SLC19A3: variants seen among roughly 807,000 people sequenced by gnomAD.
SLC19A3 encodes thiamine transporter 2.
A neutral mutation model predicts 40.2 loss-of-function variants in SLC19A3; 31 were observed. The ratio of observed to expected loss-of-function variants is 0.77; its 90% CI spans 0.58 to 1.04. SLC19A3 has a LOEUF of 1.04. Among genes scored for constraint, SLC19A3 ranks in the 50% least tolerant of loss-of-function variants. SLC19A3 has a pLI of 0.00. For missense variants in SLC19A3, 592 were observed against 596.7 expected, an observed-to-expected ratio of 0.99 and a Z score of 0.08; for synonymous variants, 212 against 227.5, an observed-to-expected ratio of 0.93 and a Z score of 0.61.
intron 3 of SLC19A3, among the ~76,000 whole-genome samples, chr2:227,697,047 A>C (rs1278658937): frequency 6.6e-6 from 1 of 152,214 alleles, no homozygotes; most frequent in Admixed American, 6.5e-5. Flanking sequence ...CCTGGGTGAC[A>C]GAGTAAGACT....
chr2:227,702,688 G>A (rs927606173), intron 1 of SLC19A3: 1 of 246,838 alleles, frequency 4.1e-6, no homozygotes, highest in East Asian at 1.1e-4. Context: ...GATCTCATTT[G>A]TCACTGCACA....
intron 3 of SLC19A3, 55 bp from the exon 4 acceptor site, chr2:227,696,136 A>G (rs1338614806): frequency 8.4e-6 from 13 of 1,544,604 alleles, no homozygotes; most frequent in Admixed American, 8.4e-5. Flanking sequence ...GCAGGAAAAT[A>G]TCAACACCCT....
chr2:227,711,961 A>T (rs1696153805), intron 1 of SLC19A3, among the ~76,000 whole-genome samples: 1 of 149,542 alleles, frequency 6.7e-6, no homozygotes, highest in Non-Finnish European at 1.5e-5. Flanking sequence ...GAGGTAGAAG[A>T]ATCGCTTGAA....
At chr2:227,699,669 C>T (rs961727660) in intron 2 of SLC19A3, 105 bp from the exon 3 acceptor site, 7 of 946,134 alleles carry the variant, frequency 7.4e-6, no homozygotes, top group African/African-American at 1.6e-5. Flanking sequence ...ATTCGCATTA[C>T]GGAGAAACAT....
chr2:227,687,708 G>T, intron 5 of SLC19A3, 135 bp from the exon 6 acceptor site: 1 of 794,644 alleles, frequency 1.3e-6, no homozygotes, highest in Non-Finnish European at 2.1e-6. Flanking sequence ...CATTTAGGTT[G>T]AACAATACTC....
chr2:227,700,151 A>G (rs1348789008), intron 2 of SLC19A3, among the ~76,000 whole-genome samples: 1 of 151,790 alleles, frequency 6.6e-6, no homozygotes, highest in Non-Finnish European at 1.5e-5. Context: ...TGCTGGGATT[A>G]TAGGCGTGAG....
intron 1 of SLC19A3, chr2:227,714,455 T>A: frequency 1.0e-6 from 1 of 985,422 alleles, no homozygotes; most frequent in Non-Finnish European, 1.2e-6. Context: ...TTACCTGTTT[T>A]TTTCTGTGCC....
rs1364347505 is a variant in SLC19A3, at chr2:227,686,828, T to A, written c.*569A>T. ...TAATACTATCAAATCATAACGTGAA[T>A]AATGCTGTTATTAGAGTTGAAGAGA... On this transcript the variant is annotated 3_prime_UTR_variant, in exon 6 of 6. Transcript: ENST00000644224. 5 of 152,236 alleles carry A rather than the reference T, an allele frequency of 3.3e-5. No homozygotes were observed. The highest frequency in any genetic ancestry group is 5.9e-5 in the Non-Finnish European group (4 of 68,090). The allele number at this position is 152,236 out of a possible 1,614,324, so 9.4% of individuals were successfully genotyped here. A position where few individuals can be genotyped will look rare whatever the true frequency, so the allele number is the denominator to read the frequency against.
chr2:227,699,558 T>C lies in SLC19A3; in HGVS notation c.157A>G (p.Asn53Asp). 6.2e-7 allele frequency: 1 copy of C among 1,614,080 alleles called. No homozygotes were observed. ...TATGTCCAAACGGGGAAGATCTCATTTGTTATCTGCAAAGTTGGTAAATTG... is the reference window on the plus strand; with the variant it reads ...TATGTCCAAACGGGGAAGATCTCATCTGTTATCTGCAAAGTTGGTAAATTG... ...DKNLTSAEIT[N>D]EIFPVWTYSY... Residue 53 changes from asparagine to aspartate, a missense_variant, in exon 3 of 6, where the codon AAT becomes GAT. By Grantham distance (23) the Asn-to-Asp change is conservative. Coordinates refer to ENST00000644224, the MANE Select transcript of SLC19A3 (RefSeq NM_025243.4).
At chr2:227,716,026 C>G (rs11679339) in intron 1 of SLC19A3, among the ~76,000 whole-genome samples, 30,093 of 150,650 alleles carry the variant, frequency 0.2, 3,210 homozygotes, top group Middle Eastern at 0.33. Flanking sequence ...CAGCTGACAT[C>G]TAATCCTTGA....
Position 227,685,472 on chromosome 2 carries a change from T to A in SLC19A3, c.*1925A>T, listed in dbSNP as rs76014609. 5 of 152,290 alleles carry A rather than the reference T, an allele frequency of 3.3e-5. No homozygotes were observed. The highest frequency in any genetic ancestry group is 9.7e-5 in the African/African-American group (4 of 41,430). The allele number at this position is 152,290 out of a possible 1,614,324, so 9.4% of individuals were successfully genotyped here. A position where few individuals can be genotyped will look rare whatever the true frequency, so the allele number is the denominator to read the frequency against. On this transcript the variant is annotated 3_prime_UTR_variant, in exon 6 of 6. Coordinates refer to ENST00000644224, the MANE Select transcript of SLC19A3 (RefSeq NM_025243.4). ...ACCATTCATGAAGGCTTCACACCCA[T>A]GATCCAGTCGCCTCCCAGCCGGCCC...
chr2:227,697,593 T>C (rs1238028251), intron 3 of SLC19A3, among the ~76,000 whole-genome samples: 4 of 152,122 alleles, frequency 2.6e-5, no homozygotes, highest in African/African-American at 9.7e-5. Context: ...AAACCCTCAG[T>C]GAGAATTTGG....
intron 1 of SLC19A3, among the ~76,000 whole-genome samples, chr2:227,712,542 G>A (rs1451333946): frequency 2.0e-5 from 3 of 152,158 alleles, no homozygotes; most frequent in African/African-American, 7.2e-5. Flanking sequence ...TGTTGGCAAA[G>A]ATTTACAGCA....
intron 1 of SLC19A3, among the ~76,000 whole-genome samples, chr2:227,712,894 G>A (rs1001375109): frequency 6.6e-6 from 1 of 152,024 alleles, no homozygotes; most frequent in African/African-American, 2.4e-5. Flanking sequence ...CGGATTGGTG[G>A]TTGCCTGGGG....
At chr2:227,699,593 G>C in intron 2 of SLC19A3, 29 bp from the exon 3 acceptor site, 2 of 1,582,262 alleles carry the variant, frequency 1.3e-6, no homozygotes, top group Non-Finnish European at 1.7e-6. Flanking sequence ...GCATGACCAC[G>C]AAGCACCGGT....
intron 1 of SLC19A3, among the ~76,000 whole-genome samples, chr2:227,715,890 C>T (rs1271126318): frequency 1.5e-5 from 2 of 132,254 alleles, no homozygotes; most frequent in Admixed American, 9.2e-5. Flanking sequence ...GTCAAGGCTG[C>T]GGTGAGCCGA....
intron 1 of SLC19A3, among the ~76,000 whole-genome samples, chr2:227,707,882 C>G (rs190504552): frequency 1.6e-3 from 250 of 152,280 alleles, no homozygotes; most frequent in African/African-American, 5.7e-3. Flanking sequence ...TGCCTGCCAC[C>G]ATGCCTGGCT....
intron 2 of SLC19A3, 32 bp downstream of exon 2, chr2:227,702,137 C>T (rs372378726): frequency 2.8e-5 from 44 of 1,591,922 alleles, no homozygotes; most frequent in Non-Finnish European, 3.7e-5. Flanking sequence ...ATTTAAAAAA[C>T]CACATTAAGA....
At position 227,686,720 on chromosome 2, in the gene SLC19A3, G is replaced by T. The variant is rs1695030514; in HGVS notation, c.*677C>A. ...TGTGTATTCTGCAAATACACAAGAG[G>T]ATCTGAAGCTATTCTTGAGGGAGAC... On this transcript the variant is annotated 3_prime_UTR_variant, in exon 6 of 6. Transcript: ENST00000644224. 2 of 152,280 alleles carry T rather than the reference G, an allele frequency of 1.3e-5. No individual in the cohort carries two copies. The highest frequency in any genetic ancestry group is 2.1e-4 in the South Asian group (1 of 4,816). The allele number at this position is 152,280 out of a possible 1,614,324, so 9.4% of individuals were successfully genotyped here.
Sources: allele counts gnomAD v4.1 joint callset (sites outside exome capture counted in the v4.1 genomes callset), GRCh38; gene constraint gnomAD v4.1.1; transcripts MANE v1.5; gene names NCBI Gene and HGNC (gene_info 2026-07-23, HGNC 2026-07-21).